The following XIRP2 variants were observed in gnomAD, a reference collection of about 807,000 sequenced individuals.
XIRP2 encodes the protein xin actin binding repeat containing 2.
Under a neutral mutation model 277.0 loss-of-function variants are expected in XIRP2, and 236 were observed. The observed-to-expected ratio is 0.85, with a 90% CI of 0.77 to 0.95. The LOEUF (loss-of-function observed/expected upper bound fraction) is 0.95, where lower values mean the gene tolerates loss of function less well. Ranked by LOEUF, XIRP2 falls within the 40% of genes least tolerant of loss-of-function variation. The pLI is 0.00. For missense variants in XIRP2, 4,640 were observed against 4,157.5 expected (o/e 1.12, Z -3.19); for synonymous variants, 1,490 against 1,416.5 (o/e 1.05, Z -1.17).
At chr2:166,975,760 C>T (rs1222543135) in intron 2 of XIRP2, among the ~76,000 whole-genome samples, 5 of 151,534 alleles carry the variant, frequency 3.3e-5, no homozygotes, top group African/African-American at 1.2e-4. Context: ...CCCGTCTCTA[C>T]TAAAAATGCA....
Position 167,102,499 on chromosome 2 carries a change from A to G in XIRP2, c.409-33410A>G, listed in dbSNP as rs371661139. 2.0e-4 allele frequency among the ~76,000 whole-genome samples: 31 copies of G among 152,336 alleles called. No homozygotes were observed. The East Asian group carries it at 2.9e-3, about 14-fold the overall frequency. Reference sequence around the variant, plus strand: ...GCAATTAGTTTCAAGACAAAGAATTATAGTTACAGTTAGAACACCCTCTGG... The same window carrying G: ...GCAATTAGTTTCAAGACAAAGAATTGTAGTTACAGTTAGAACACCCTCTGG... On this transcript the variant is annotated intron_variant, in intron 2 of 10. Transcript: ENST00000409195.
chr2:166,923,955 GA>G (rs1685121574), intron 2 of XIRP2, among the ~76,000 whole-genome samples: 1 of 151,992 alleles, frequency 6.6e-6, no homozygotes, highest in African/African-American at 2.4e-5. Context: ...AGTGATTTAA[GA>G]AGAGTCAGGG....
chr2:167,234,320 A>T (rs903070973), intron 5 of XIRP2, among the ~76,000 whole-genome samples: 2 of 151,344 alleles, frequency 1.3e-5, no homozygotes, highest in Admixed American at 6.6e-5. Context: ...TGCATAATTC[A>T]TGCTTTGGTA....
chr2:166,960,215 G>C (rs1364160544), intron 2 of XIRP2, among the ~76,000 whole-genome samples: 4 of 151,726 alleles, frequency 2.6e-5, no homozygotes, highest in Non-Finnish European at 4.4e-5. Context: ...GTGGAGAGGG[G>C]ATATGTTAGT....
In XIRP2 at chr2:167,254,216, T is replaced by C. The variant is rs369883519; in HGVS notation, c.*39+51T>C. ...CAAATATTCCAGGAGCTGCACTCTA[T>C]GTATAGCCTCATATCTCTAGGAGGA... On this transcript the variant is annotated intron_variant, in intron 10 of 10. Coordinates refer to ENST00000409195, the MANE Select transcript of XIRP2 (RefSeq NM_152381.6). 20 of 1,565,620 alleles carry C rather than the reference T, an allele frequency of 1.3e-5. 1 individual carries two copies. The African/African-American group carries it at 1.6e-4, about 13-fold the overall frequency.
At chr2:167,086,082 G>A (rs1416105028) in intron 2 of XIRP2, among the ~76,000 whole-genome samples, 46 of 152,014 alleles carry the variant, frequency 3.0e-4, no homozygotes, top group East Asian at 1.6e-3. Context: ...AGCTGGTACC[G>A]GTTGTTCCTT....
At chr2:167,098,569 C>A (rs183693713) in intron 2 of XIRP2, among the ~76,000 whole-genome samples, 1 of 152,286 alleles carries the variant, frequency 6.6e-6, no homozygotes, top group Non-Finnish European at 1.5e-5. Context: ...ATTCTCCATC[C>A]GGTTTTGTTC....
At position 167,243,577 on chromosome 2, in the gene XIRP2, G is replaced by T. The variant is rs370504310; in HGVS notation, c.2185G>T (p.Val729Phe). 1 of 1,613,956 alleles carries T rather than the reference G, an allele frequency of 6.2e-7. No homozygotes were observed. The highest frequency in any genetic ancestry group is 1.1e-5 in the South Asian group (1 of 91,078). The stretch of plus-strand genomic sequence containing the variant: ...TGAGCTCAAAGAAATTAAGGGAAAT[G>T]TTAAAAGAAGTATAAAATGTTTCGA... ...RSELKEIKGNVKRSIKCFETQ... is the reference protein window; with the variant it reads ...RSELKEIKGNFKRSIKCFETQ... The change falls in exon 9 of 11, where the codon GTT becomes TTT. Residue 729 changes from valine to phenylalanine, a missense_variant. Transcript: ENST00000409195.
At chr2:166,943,237 T>C (rs1685767598) in intron 2 of XIRP2, among the ~76,000 whole-genome samples, 1 of 152,178 alleles carries the variant, frequency 6.6e-6, no homozygotes, top group African/African-American at 2.4e-5. Flanking sequence ...CCTTTTTATC[T>C]TCATTTATTT....
chr2:167,154,874 G>C (rs1365107027), intron 3 of XIRP2, among the ~76,000 whole-genome samples: 21 of 151,914 alleles, frequency 1.4e-4, no homozygotes, highest in Admixed American at 9.8e-4. Context: ...AGAAAAGAGA[G>C]AAGAATCAAA....
At chr2:167,177,689 TAC>T (rs1302927040) in intron 3 of XIRP2, among the ~76,000 whole-genome samples, 2 of 152,194 alleles carry the variant, frequency 1.3e-5, no homozygotes, top group African/African-American at 4.8e-5. Flanking sequence ...AATGAAACAC[TAC>T]ACTTATCTAT....
rs114279154 is a variant in XIRP2, at chr2:167,126,788, C to T, written c.409-9121C>T. Among the ~76,000 whole-genome samples the T allele has an allele frequency of 5.3e-3, 813 of 152,286 alleles. 4 individuals carry two copies. The highest frequency in any genetic ancestry group is 8.6e-3 in the Non-Finnish European group (588 of 68,020). On this transcript the variant is annotated intron_variant, in intron 2 of 10. Coordinates refer to ENST00000409195, the MANE Select transcript of XIRP2 (RefSeq NM_152381.6). ...CACACCTACACCCTCATCTCCTGTG[C>T]CTGTGCCTTTGATCACATGTCCTGC...
chr2:167,110,024 G>A (rs1690712235), intron 2 of XIRP2, among the ~76,000 whole-genome samples: 1 of 151,378 alleles, frequency 6.6e-6, no homozygotes, highest in Non-Finnish European at 1.5e-5. Context: ...GGGGTTGTTT[G>A]ATTTTTACTT....
intron 2 of XIRP2, among the ~76,000 whole-genome samples, chr2:167,092,318 G>A (rs76933076): frequency 6.6e-6 from 1 of 151,936 alleles, no homozygotes. Context: ...AATTGCAAAG[G>A]CTTCTTAATT....
intron 1 of XIRP2, among the ~76,000 whole-genome samples, chr2:166,893,468 AT>A (rs1348672015): frequency 6.6e-6 from 1 of 152,134 alleles, no homozygotes; most frequent in African/African-American, 2.4e-5. Flanking sequence ...TTTATATCAT[AT>A]ACTGATTTCA....
intron 3 of XIRP2, among the ~76,000 whole-genome samples, chr2:167,142,319 G>C (rs945931945): frequency 5.3e-5 from 8 of 152,118 alleles, no homozygotes; most frequent in Non-Finnish European, 1.0e-4. Context: ...GGAGGCCAAG[G>C]TGGGCAGATC....
chr2:166,941,979 C>A (rs1182805553), intron 2 of XIRP2, among the ~76,000 whole-genome samples: 1 of 152,222 alleles, frequency 6.6e-6, no homozygotes, highest in Non-Finnish European at 1.5e-5. Flanking sequence ...TCCATCTTCT[C>A]TGTGAAAATT....
At chr2:167,242,230 C>A (rs979207817) in intron 8 of XIRP2, among the ~76,000 whole-genome samples, 22 of 152,124 alleles carry the variant, frequency 1.4e-4, no homozygotes, top group Non-Finnish European at 3.1e-4. Flanking sequence ...AATGAAACAA[C>A]CCTCAAAAGT....
intron 3 of XIRP2, among the ~76,000 whole-genome samples, chr2:167,163,456 T>A (rs1381772563): frequency 1.3e-5 from 2 of 152,224 alleles, no homozygotes; most frequent in Non-Finnish European, 2.9e-5. Context: ...GGCATATTTA[T>A]CTCTCTTAAG....
Sources: allele counts gnomAD v4.1 joint callset (sites outside exome capture counted in the v4.1 genomes callset), GRCh38; gene constraint gnomAD v4.1.1; transcripts MANE v1.5; gene names NCBI Gene and HGNC (gene_info 2026-07-23, HGNC 2026-07-21).